Variants in SEMA5B observed in about 807,000 individuals in gnomAD.
The protein encoded by SEMA5B is semaphorin-5B.
Under a neutral mutation model 135.0 loss-of-function variants are expected in SEMA5B, and 66 were observed. The observed-to-expected ratio is 0.49, with a 90% confidence interval of 0.40 to 0.60. SEMA5B has a LOEUF of 0.60. Ranked by LOEUF, SEMA5B falls within the 20% of genes least tolerant of loss-of-function variation. The pLI, the probability that SEMA5B is intolerant of heterozygous loss-of-function variation, is 0.00. For missense variants in SEMA5B, 1,501 were observed against 1,566.3 expected (o/e 0.96, Z 0.70); for synonymous variants, 690 against 639.5 (o/e 1.08, Z -1.19).
At chr3:122,970,819 T>A (rs115272739) in intron 1 of SEMA5B, among the ~76,000 whole-genome samples, 2 of 152,172 alleles carry the variant, frequency 1.3e-5, no homozygotes, top group Non-Finnish European at 2.9e-5. Flanking sequence ...TCAGCCTAAC[T>A]CCAGTGCCCA....
chr3:122,981,207 C>T (rs988060611), intron 1 of SEMA5B, among the ~76,000 whole-genome samples: 1 of 152,214 alleles, frequency 6.6e-6, no homozygotes, highest in Non-Finnish European at 1.5e-5. Flanking sequence ...AGGATTAGTT[C>T]TCAGACCATT....
intron 1 of SEMA5B, among the ~76,000 whole-genome samples, chr3:123,007,577 T>C (rs75896925): frequency 0.064 from 9,673 of 152,174 alleles, 388 homozygotes; most frequent in East Asian, 0.16. Flanking sequence ...AGTTCATTCA[T>C]GGGTTAATGG....
In SEMA5B at chr3:122,913,846, G is replaced by C. The variant is rs1937915672; in HGVS notation, c.2132+12C>G. ...TAGTCTGGGACCTCAGAGCAAGCCT[G>C]TTCTCCCTCACCGTTCCTCCCGGCT... On this transcript the variant is annotated intron_variant, in intron 15 of 22. Coordinates refer to ENST00000357599, the MANE Select transcript of SEMA5B (RefSeq NM_001031702.4). 6.3e-7 allele frequency: 1 copy of C among 1,593,920 alleles called. No individual in the cohort carries two copies. The highest frequency in any genetic ancestry group is 1.3e-5 in the African/African-American group (1 of 74,678).
chr3:122,973,871 C>T (rs1355163524), intron 1 of SEMA5B, among the ~76,000 whole-genome samples: 1 of 152,194 alleles, frequency 6.6e-6, no homozygotes, highest in Non-Finnish European at 1.5e-5. Flanking sequence ...TCAGGATTTC[C>T]TTCTGGAGGG....
Position 122,985,252 on chromosome 3 carries a change from A to G in SEMA5B, c.-38-23951T>C, listed in dbSNP as rs555946494. The stretch of plus-strand genomic sequence containing the variant: ...TCACACCTGTAATCCCAGCACTTTG[A>G]GAGGCCAAGGCAGGAGGATTGCTTC... On this transcript the variant is annotated intron_variant, in intron 1 of 22. Coordinates refer to ENST00000357599, the MANE Select transcript of SEMA5B (RefSeq NM_001031702.4). 1.1e-4 allele frequency among the ~76,000 whole-genome samples: 16 copies of G among 152,296 alleles called. No homozygotes were observed. The South Asian group carries it at 3.3e-3, about 32-fold the overall frequency.
chr3:123,010,668 G>A (rs1450325645), intron 1 of SEMA5B, among the ~76,000 whole-genome samples: 2 of 151,882 alleles, frequency 1.3e-5, no homozygotes, highest in Non-Finnish European at 2.9e-5. Context: ...AAATTAGCTG[G>A]GCATGGTGGC....
At chr3:122,945,994 G>A (rs546745193) in intron 3 of SEMA5B, among the ~76,000 whole-genome samples, 4 of 152,094 alleles carry the variant, frequency 2.6e-5, no homozygotes, top group African/African-American at 9.7e-5. Context: ...CAGCCTGCTC[G>A]TATTAAACAG....
At chr3:122,920,074 A>G (rs1336548142) in intron 12 of SEMA5B, among the ~76,000 whole-genome samples, 1 of 152,132 alleles carries the variant, frequency 6.6e-6, no homozygotes, top group Non-Finnish European at 1.5e-5. Context: ...CACCTGATAC[A>G]TGACAGTGCT....
At chr3:122,956,626 G>A (rs1173094190) in intron 2 of SEMA5B, among the ~76,000 whole-genome samples, 2 of 152,020 alleles carry the variant, frequency 1.3e-5, no homozygotes, top group African/African-American at 4.8e-5. Context: ...CCCACAGAGC[G>A]CAAACCAGTC....
chr3:122,932,261 T>TTTC (rs1939014112), intron 5 of SEMA5B, among the ~76,000 whole-genome samples: 2 of 126,440 alleles, frequency 1.6e-5, no homozygotes, highest in Non-Finnish European at 3.4e-5. Flanking sequence ...TTTTTTTTTT[T>TTTC]TTTTTTTTTG....
chr3:122,986,751 C>A (rs1941714159), intron 1 of SEMA5B, among the ~76,000 whole-genome samples: 1 of 152,192 alleles, frequency 6.6e-6, no homozygotes, highest in Non-Finnish European at 1.5e-5. Context: ...GGGGTGTCCA[C>A]TCAGCCAAGA....
At chr3:122,998,191 C>G (rs1484807571) in intron 1 of SEMA5B, among the ~76,000 whole-genome samples, 1 of 152,092 alleles carries the variant, frequency 6.6e-6, no homozygotes, top group Non-Finnish European at 1.5e-5. Flanking sequence ...GGCCCATCCA[C>G]AAAGCCAAGG....
At chr3:122,936,549 C>G (rs73193872) in intron 5 of SEMA5B, among the ~76,000 whole-genome samples, 18,766 of 152,176 alleles carry the variant, frequency 0.12, 1,432 homozygotes, top group East Asian at 0.35. Context: ...ATCTGGCAAA[C>G]CAAGATCATA....
intron 1 of SEMA5B, among the ~76,000 whole-genome samples, chr3:122,978,285 G>A (rs1213665751): frequency 6.6e-6 from 1 of 152,244 alleles, no homozygotes; most frequent in Non-Finnish European, 1.5e-5. Context: ...TGAGATCATG[G>A]CTCAGGAATC....
chr3:122,966,887 T>TTAC lies in SEMA5B; in HGVS notation c.-38-5587_-38-5586insGTA, dbSNP rs1553778840. ...ACTATTATTATTATTATTATTATTATTATTATTATTATTAGAGATGGAGTT... is the reference window on the plus strand; with the variant it reads ...ACTATTATTATTATTATTATTATTATTACTATTATTATTATTAGAGATGGAGTT... On this transcript the variant is annotated intron_variant, in intron 1 of 22. Coordinates refer to ENST00000357599, the MANE Select transcript of SEMA5B (RefSeq NM_001031702.4). Among the ~76,000 whole-genome samples, 824 of 142,894 alleles carry TTAC rather than the reference T, an allele frequency of 5.8e-3. 3 individuals are homozygous for TTAC. Among genetic ancestry groups the TTAC allele is most frequent in the African/African-American group, 0.021 (794 of 38,462 alleles). The allele number at this position is 142,894 out of a possible 152,430, so 93.7% of individuals were successfully genotyped here. A position where few individuals can be genotyped will look rare whatever the true frequency, so the allele number is the denominator to read the frequency against.
chr3:122,998,922 T>G (rs1942095988), intron 1 of SEMA5B, among the ~76,000 whole-genome samples: 1 of 152,232 alleles, frequency 6.6e-6, no homozygotes, highest in African/African-American at 2.4e-5. Flanking sequence ...TTATAGACTT[T>G]GAGGGTGGGA....
At position 122,929,020 on chromosome 3, in the gene SEMA5B, G is replaced by A. The variant is rs774211937; in HGVS notation, c.513C>T (p.Ser171=). 3 of 1,612,424 alleles carry A rather than the reference G, an allele frequency of 1.9e-6. No individual in the cohort carries two copies. The highest frequency in any genetic ancestry group is 2.5e-6 in the Non-Finnish European group (3 of 1,180,034). The change falls in exon 6 of 23, where the codon TCC becomes TCT. Residue 171 remains serine (S), a synonymous_variant. Coordinates refer to ENST00000357599, the MANE Select transcript of SEMA5B (RefSeq NM_001031702.4). The part of the protein sequence containing the change: ...EWASSEDTRR[S]CQSKGKTEEE... ...CCTCAGTCTTCCCTTTGCTTTGGCA[G>A]GAGCGGCGCGTGTCCTCACTGGAGG...
At chr3:122,942,391 T>C (rs1939597371) in intron 4 of SEMA5B, among the ~76,000 whole-genome samples, 1 of 152,226 alleles carries the variant, frequency 6.6e-6, no homozygotes, top group South Asian at 2.1e-4. Context: ...AGCTACAGCA[T>C]GGCCCGGAAG....
At chr3:123,010,120 G>T (rs1398167963) in intron 1 of SEMA5B, among the ~76,000 whole-genome samples, 1 of 152,200 alleles carries the variant, frequency 6.6e-6, no homozygotes, top group Non-Finnish European at 1.5e-5. Flanking sequence ...CTCTGGATGG[G>T]TGAGAGGCGG....
Sources: gnomAD v4.1 joint callset for allele counts (sites outside exome capture counted in the v4.1 genomes callset) on GRCh38, gnomAD v4.1.1 for gene constraint, MANE v1.5 for transcripts, NCBI Gene and HGNC (gene_info 2026-07-23, HGNC 2026-07-21) for gene names.